SYNJ2: variants seen among roughly 807,000 people sequenced by gnomAD.
SYNJ2 encodes the protein synaptojanin 2.
In SYNJ2, 116 loss-of-function variants were observed where a neutral mutation model predicts 141.3. The observed-to-expected ratio is 0.82, with a 90% CI of 0.71 to 0.96. SYNJ2 has a LOEUF of 0.96. Among genes scored for constraint, SYNJ2 ranks in the 40% least tolerant of loss-of-function variants. The probability of loss-of-function intolerance (pLI) is 0.00; values close to 1 mark genes in which losing one functional copy is unlikely to be tolerated. For missense variants in SYNJ2, 1,873 were observed against 1,934.8 expected (o/e 0.97, Z 0.60); for synonymous variants, 745 against 777.7 (o/e 0.96, Z 0.70).
In SYNJ2 at chr6:157,982,154, A is replaced by G. The variant is rs1380561095; in HGVS notation, c.127+66A>G. ...CGCCCGCATTCGCCCAGCCTCGGGAAGACGGGTACCCCCCCTTCCCGAGGG... is the reference window on the plus strand; with the variant it reads ...CGCCCGCATTCGCCCAGCCTCGGGAGGACGGGTACCCCCCCTTCCCGAGGG... On this transcript the variant is annotated intron_variant, in intron 1 of 26. Coordinates refer to ENST00000355585, the MANE Select transcript of SYNJ2 (RefSeq NM_003898.4). This position sits in a 1 kb window ranked among gnomAD's most constrained non-coding sequence, Gnocchi z 4.0. 4.7e-6 allele frequency: 6 copies of G among 1,269,074 alleles called. No homozygotes were observed. Among genetic ancestry groups the G allele is most frequent in the Non-Finnish European group, 6.0e-6 (6 of 1,006,708 alleles). 78.6% of individuals were successfully genotyped at this position (1,269,074 alleles called of 1,614,324 possible). A position where few individuals can be genotyped will look rare whatever the true frequency, so the allele number is the denominator to read the frequency against.
At chr6:157,983,752 G>A (rs866379234) in intron 1 of SYNJ2, among the ~76,000 whole-genome samples, 1 of 152,036 alleles carries the variant, frequency 6.6e-6, no homozygotes, top group African/African-American at 2.4e-5. Context: ...AAAGGAATTG[G>A]CTCGTCTTCA....
Position 158,064,588 on chromosome 6 carries a change from T to A in SYNJ2, c.1210-13T>A. 1 of 1,612,812 alleles carries A rather than the reference T, an allele frequency of 6.2e-7. No homozygotes were observed. The highest frequency in any genetic ancestry group is 8.5e-7 in the Non-Finnish European group (1 of 1,179,348). ...GGAGAAGCCAGTGACAGCCATCCCTTATTCCTCCCCAGGTCCTGCATCTGC... is the reference window on the plus strand; with the variant it reads ...GGAGAAGCCAGTGACAGCCATCCCTAATTCCTCCCCAGGTCCTGCATCTGC... On this transcript the variant is annotated splice_polypyrimidine_tract_variant and intron_variant, in intron 9 of 26. Coordinates refer to ENST00000355585, the MANE Select transcript of SYNJ2 (RefSeq NM_003898.4).
At chr6:158,056,186 G>C (rs1012127685) in intron 6 of SYNJ2, among the ~76,000 whole-genome samples, 1 of 152,222 alleles carries the variant, frequency 6.6e-6, no homozygotes, top group Non-Finnish European at 1.5e-5. Flanking sequence ...ATGTTTAGGA[G>C]CTTTCTTAAA....
At chr6:158,015,689 A>G (rs1256938964) in intron 1 of SYNJ2, among the ~76,000 whole-genome samples, 1 of 152,196 alleles carries the variant, frequency 6.6e-6, no homozygotes, top group Non-Finnish European at 1.5e-5. Flanking sequence ...TCCCATTACT[A>G]GTTTTAAATT....
At position 158,081,413 on chromosome 6, in the gene SYNJ2, G is replaced by T. The variant is rs1213708986; in HGVS notation, c.2787-19G>T. On this transcript the variant is annotated intron_variant, in intron 19 of 26. Transcript: ENST00000355585. ...GCCAGGTCGTTCTTGGCATTGACTTGGAGTATCATTTATTCCAGGATCAAC... is the reference window on the plus strand; with the variant it reads ...GCCAGGTCGTTCTTGGCATTGACTTTGAGTATCATTTATTCCAGGATCAAC... 2.5e-6 allele frequency: 4 copies of T among 1,613,804 alleles called. 1 individual carries two copies. The Admixed American group carries it at 6.7e-5, about 27-fold the overall frequency.
At position 158,099,007 on chromosome 6, in the gene SYNJ2, A is replaced by G. The variant is rs541282136; in HGVS notation, c.*2643A>G. On this transcript the variant is annotated 3_prime_UTR_variant, in exon 27 of 27. Transcript: ENST00000355585. ...CCTGATGTGTGTGTAAGTATAAACA[A>G]AGTAATGTATCAAAGCGTTCACTTT... The G allele has an allele frequency of 6.6e-6, 1 of 152,356 alleles. No individual in the cohort carries two copies. Among genetic ancestry groups the G allele is most frequent in the South Asian group, 2.1e-4 (1 of 4,830 alleles). The allele number at this position is 152,356 out of a possible 1,614,324, so 9.4% of individuals were successfully genotyped here. A position where few individuals can be genotyped will look rare whatever the true frequency, so the allele number is the denominator to read the frequency against.
intron 17 of SYNJ2, 51 bp downstream of exon 17, chr6:158,076,833 C>T (rs747121837): frequency 5.8e-5 from 91 of 1,555,952 alleles, no homozygotes; most frequent in Middle Eastern, 4.3e-4. Flanking sequence ...ATAAGAAATG[C>T]GACGGAGGGA....
At chr6:158,083,652 A>G in intron 21 of SYNJ2, 55 bp downstream of exon 21, 2 of 1,606,718 alleles carry the variant, frequency 1.2e-6, no homozygotes, top group Non-Finnish European at 1.7e-6. Flanking sequence ...AACAGGCCTG[A>G]GCTTTTAAGG....
intron 16 of SYNJ2, 111 bp from the exon 17 acceptor site, chr6:158,076,515 G>A: frequency 8.2e-7 from 1 of 1,224,142 alleles, no homozygotes; most frequent in Non-Finnish European, 1.1e-6. Context: ...ATGTAATGGA[G>A]CTTCTGTTAC....
At chr6:158,087,077 C>T in intron 23 of SYNJ2, 88 bp downstream of exon 23, 2 of 1,478,622 alleles carry the variant, frequency 1.4e-6, no homozygotes, top group East Asian at 2.3e-5. Context: ...TCCGAATCCA[C>T]TTCTCCCCGG....
At chr6:158,032,765 G>C (rs1334034241) in intron 3 of SYNJ2, among the ~76,000 whole-genome samples, 1 of 152,220 alleles carries the variant, frequency 6.6e-6, no homozygotes, top group African/African-American at 2.4e-5. Context: ...AAAGTACTTA[G>C]AATGGGGCTT....
intron 1 of SYNJ2, among the ~76,000 whole-genome samples, chr6:158,004,904 T>A (rs893701439): frequency 2.6e-5 from 4 of 151,906 alleles, no homozygotes; most frequent in Non-Finnish European, 5.9e-5. Flanking sequence ...AGTGGCCACG[T>A]CGTTGATCCT....
chr6:157,998,908 A>G (rs1421462767), intron 1 of SYNJ2, among the ~76,000 whole-genome samples: 1 of 152,172 alleles, frequency 6.6e-6, no homozygotes, highest in African/African-American at 2.4e-5. Context: ...CCTGCCTCCC[A>G]TTCCCCCTGT....
In SYNJ2 at chr6:158,043,196, C is replaced by T; in HGVS notation, c.712-120C>T. On this transcript the variant is annotated intron_variant, in intron 4 of 26. Coordinates refer to ENST00000355585, the MANE Select transcript of SYNJ2 (RefSeq NM_003898.4). The surrounding 1 kb of genome is among the most constrained non-coding windows in gnomAD (Gnocchi z 4.0). ...TGGGGGAGCAGAGGACGCCGGAGTC[C>T]ACCGTCCGCCCTTCATTCTGGCTGG... is the stretch of plus-strand genomic sequence containing the variant. 1 of 802,502 alleles carries T rather than the reference C, an allele frequency of 1.2e-6. No individual in the cohort carries two copies. The highest frequency in any genetic ancestry group is 2.0e-6 in the Non-Finnish European group (1 of 489,220). The allele number at this position is 802,502 out of a possible 1,614,324, so 49.7% of individuals were successfully genotyped here. A position where few individuals can be genotyped will look rare whatever the true frequency, so the allele number is the denominator to read the frequency against.
At chr6:158,083,306 T>A in intron 20 of SYNJ2, 123 bp from the exon 21 acceptor site, 1 of 1,238,322 alleles carries the variant, frequency 8.1e-7, no homozygotes, top group South Asian at 1.5e-5. Flanking sequence ...CCTTGGTTTT[T>A]CAGGGCCAAA....
chr6:158,063,313 G>A (rs1223843427), intron 8 of SYNJ2, among the ~76,000 whole-genome samples: 1 of 152,104 alleles, frequency 6.6e-6, no homozygotes, highest in East Asian at 1.9e-4. Context: ...CAGAAGTGCT[G>A]GGGATCCACT....
At chr6:158,007,330 T>C (rs1057360145) in intron 1 of SYNJ2, among the ~76,000 whole-genome samples, 4 of 152,208 alleles carry the variant, frequency 2.6e-5, no homozygotes, top group African/African-American at 9.6e-5. Context: ...CAGATTTCTC[T>C]GCTGGACTCC....
intron 20 of SYNJ2, 121 bp from the exon 21 acceptor site, chr6:158,083,308 A>T: frequency 8.1e-7 from 1 of 1,238,696 alleles, no homozygotes; most frequent in Non-Finnish European, 1.1e-6. Flanking sequence ...TTGGTTTTTC[A>T]GGGCCAAATG....
chr6:158,069,414 G>A, intron 13 of SYNJ2, 119 bp from the exon 14 acceptor site: 1 of 1,260,480 alleles, frequency 7.9e-7, no homozygotes, highest in Non-Finnish European at 1.1e-6. Flanking sequence ...ATATTGGGGT[G>A]CGGGCAGCGT....
Sources: gnomAD v4.1 joint callset for allele counts (sites outside exome capture counted in the v4.1 genomes callset) on GRCh38, gnomAD v4.1.1 for gene constraint, Gnocchi (gnomAD v3.1) non-coding constraint, MANE v1.5 for transcripts, NCBI Gene and HGNC (gene_info 2026-07-23, HGNC 2026-07-21) for gene names.